The following NHSL1 variants were observed in gnomAD, a reference collection of about 807,000 sequenced individuals.
The protein encoded by NHSL1 is NHS-like protein 1.
A neutral mutation model predicts 95.0 loss-of-function variants in NHSL1; 48 were observed. The ratio of observed to expected loss-of-function variants is 0.51; its 90% CI spans 0.40 to 0.64. The LOEUF (loss-of-function observed/expected upper bound fraction) is 0.64. NHSL1 is among the 30% of genes least tolerant of loss of function. The pLI is 0.00. For missense variants in NHSL1, 1,971 were observed against 2,077.7 expected (o/e 0.95, Z 1.00); for synonymous variants, 783 against 833.9 (o/e 0.94, Z 1.05).
Position 138,431,717 on chromosome 6 carries a change from G to A in NHSL1, c.2628C>T (p.Asn876=), listed in dbSNP as rs1453573594. The stretch of plus-strand genomic sequence containing the variant: ...CCTTGGGCTTGGGCTTCCCCTTCCC[G>A]TTTGCTGGTGACACTGATTTTAAAA... ...PVFLKSVSPA[N]GKGKPKPKVP... Residue 876 remains asparagine, a synonymous_variant, in exon 6 of 8, where the codon AAC becomes AAT. Transcript: ENST00000343505. The surrounding 1 kb of genome is among the most constrained non-coding windows in gnomAD (Gnocchi z 4.0). The A allele has an allele frequency of 1.9e-5, 29 of 1,551,634 alleles. No individual in the cohort carries two copies. The highest frequency in any genetic ancestry group is 5.9e-5 in the Admixed American group (3 of 50,988).
chr6:138,573,239 G>A (rs1035221801), upstream of NHSL1, among the ~76,000 whole-genome samples: 2 of 152,142 alleles, frequency 1.3e-5, no homozygotes, highest in African/African-American at 4.8e-5. Context: ...AATGCATTTG[G>A]GTGTAGCATT....
chr6:138,490,408 C>T (rs1338858047), intron 2 of NHSL1, among the ~76,000 whole-genome samples: 7 of 152,100 alleles, frequency 4.6e-5, no homozygotes. Context: ...CAGGGACCCA[C>T]GTGCTCTAGG....
At chr6:138,683,890 G>A (rs978620123) in intron 1 of NHSL1, among the ~76,000 whole-genome samples, 4 of 152,286 alleles carry the variant, frequency 2.6e-5, no homozygotes, top group Admixed American at 6.5e-5. Flanking sequence ...TCCAGCATTC[G>A]TCGACAGCAT....
At chr6:138,444,691 T>C (rs1030976023) in intron 4 of NHSL1, among the ~76,000 whole-genome samples, 1 of 152,042 alleles carries the variant, frequency 6.6e-6, no homozygotes, top group African/African-American at 2.4e-5. Context: ...CTTTTTTTAA[T>C]CTCAAATATC....
At chr6:138,598,322 G>A (rs1302809800) in intron 1 of NHSL1, among the ~76,000 whole-genome samples, 1 of 152,126 alleles carries the variant, frequency 6.6e-6, no homozygotes, top group African/African-American at 2.4e-5. Context: ...GCCGGGCATG[G>A]TGGTGGTCAC....
intron 2 of NHSL1, among the ~76,000 whole-genome samples, chr6:138,476,199 G>C (rs966805252): frequency 8.5e-5 from 13 of 152,264 alleles, no homozygotes; most frequent in Middle Eastern, 3.4e-3. Flanking sequence ...GCACTCATAT[G>C]TTTATCACAG....
At chr6:138,457,616 C>T (rs1458383788) in intron 3 of NHSL1, among the ~76,000 whole-genome samples, 2 of 152,146 alleles carry the variant, frequency 1.3e-5, no homozygotes, top group East Asian at 1.9e-4. Flanking sequence ...AATTTGTTAA[C>T]TCATGCATCC....
intron 1 of NHSL1, among the ~76,000 whole-genome samples, chr6:138,649,630 G>A (rs1457072896): frequency 6.6e-6 from 1 of 152,106 alleles, no homozygotes; most frequent in Non-Finnish European, 1.5e-5. Context: ...CATTAGATGA[G>A]GAGGACACAT....
At chr6:138,569,294 CGA>C (rs1296391224) in intron 1 of NHSL1, among the ~76,000 whole-genome samples, 1 of 149,626 alleles carries the variant, frequency 6.7e-6, no homozygotes, top group Non-Finnish European at 1.5e-5. Context: ...AGAAAGAGAG[CGA>C]GAGAGAAAAA....
At chr6:138,642,376 A>G (rs1353731089) in intron 1 of NHSL1, among the ~76,000 whole-genome samples, 1 of 152,222 alleles carries the variant, frequency 6.6e-6, no homozygotes, top group Non-Finnish European at 1.5e-5. Context: ...AAGAGAACAT[A>G]GAACTTGAAT....
At chr6:138,680,419 T>G (rs1183615220) in intron 1 of NHSL1, among the ~76,000 whole-genome samples, 1 of 152,158 alleles carries the variant, frequency 6.6e-6, no homozygotes, top group Non-Finnish European at 1.5e-5. Flanking sequence ...ACTTAGCAAA[T>G]GAAGTCACCA....
intron 6 of NHSL1, 132 bp from the exon 7 acceptor site, chr6:138,429,975 T>C: frequency 2.4e-6 from 2 of 837,138 alleles, no homozygotes; most frequent in Non-Finnish European, 3.6e-6. Flanking sequence ...CGTGGGTCTG[T>C]AGTTTGATAG....
In NHSL1 at chr6:138,650,100, C is replaced by T. The variant is rs565168073; in HGVS notation, c.96+42376G>A. The T allele has an allele frequency of 4.4e-5, 23 of 517,342 alleles. 1 individual carries two copies. Among genetic ancestry groups the T allele is most frequent in the Non-Finnish European group, 7.0e-5 (18 of 256,764 alleles). The allele number at this position is 517,342 out of a possible 1,614,324, so 32.0% of individuals were successfully genotyped here. ...CATGGCAAATATGGAAACTGAAGCC[C>T]GGCTGGGCGGGAGCACATCTGGTTG... On this transcript the variant is annotated intron_variant, in intron 1 of 3. Transcript: ENST00000491526.
At chr6:138,488,597 G>A (rs1779857688) in intron 2 of NHSL1, among the ~76,000 whole-genome samples, 1 of 152,134 alleles carries the variant, frequency 6.6e-6, no homozygotes, top group Admixed American at 6.5e-5. Flanking sequence ...ATTTCTCTTA[G>A]ACTTATTTGA....
chr6:138,601,420 T>C (rs1784368323), intron 1 of NHSL1, among the ~76,000 whole-genome samples: 1 of 152,232 alleles, frequency 6.6e-6, no homozygotes, highest in East Asian at 1.9e-4. Context: ...TGTGTGGCTA[T>C]TGCTCAATTG....
intron 1 of NHSL1, among the ~76,000 whole-genome samples, chr6:138,498,341 A>G (rs550638700): frequency 6.6e-5 from 10 of 152,310 alleles, no homozygotes; most frequent in Admixed American, 3.9e-4. Flanking sequence ...GGCTCCTATG[A>G]AAAAGTCTCT....
intron 5 of NHSL1, among the ~76,000 whole-genome samples, chr6:138,434,490 T>TAAA (rs1775941496): frequency 6.8e-6 from 1 of 148,142 alleles, no homozygotes; most frequent in South Asian, 2.1e-4. Flanking sequence ...ACTTTAAGTG[T>TAAA]AAACAGTTAG....
At position 138,431,004 on chromosome 6, in the gene NHSL1, G is replaced by C. The variant is rs1456297769; in HGVS notation, c.3341C>G (p.Ala1114Gly). The C allele has an allele frequency of 1.9e-6, 3 of 1,552,198 alleles. No homozygotes were observed. The highest frequency in any genetic ancestry group is 2.6e-6 in the Non-Finnish European group (3 of 1,147,126). The change falls in exon 6 of 8, where the codon GCT becomes GGT. Residue 1114 changes from alanine to glycine, a missense_variant. Transcript: ENST00000343505. The surrounding 1 kb of genome is among the most constrained non-coding windows in gnomAD (Gnocchi z 4.0). ...VAPQYHLKPS[A>G]FLKSRNSTNE... Reference sequence around the variant, plus strand: ...TGTGCTATTTCGGGATTTCAGGAAAGCAGATGGCTTTAAGTGGTACTGTGG... The same window carrying C: ...TGTGCTATTTCGGGATTTCAGGAAACCAGATGGCTTTAAGTGGTACTGTGG...
intron 2 of NHSL1, among the ~76,000 whole-genome samples, chr6:138,482,445 CAAAAAA>C (rs34849976): frequency 1.2e-5 from 1 of 81,236 alleles, no homozygotes; most frequent in African/African-American, 4.8e-5. Context: ...GACTCCGTCT[CAAAAAA>C]AAAAAAAAAA....
Sources: allele counts gnomAD v4.1 joint callset (sites outside exome capture counted in the v4.1 genomes callset), GRCh38; gene constraint gnomAD v4.1.1; non-coding constraint Gnocchi (gnomAD v3.1); transcripts MANE v1.5; gene names NCBI Gene and HGNC (gene_info 2026-07-23, HGNC 2026-07-21).